LRBA: variants seen among roughly 807,000 people sequenced by gnomAD.
LRBA encodes lipopolysaccharide-responsive and beige-like anchor protein.
LRBA carries 176 observed loss-of-function variants against 330.0 expected under a neutral mutation model. That is an observed-to-expected ratio of 0.53 (90% CI 0.47 to 0.60). The LOEUF (loss-of-function observed/expected upper bound fraction) is 0.60, where lower values mean the gene tolerates loss of function less well. Ranked by LOEUF, LRBA falls within the 20% of genes least tolerant of loss-of-function variation. The probability of loss-of-function intolerance (pLI) is 0.00; values close to 1 mark genes in which losing one functional copy is unlikely to be tolerated. For synonymous variants in LRBA, 1,230 were observed against 1,193.0 expected (o/e 1.03, Z -0.64); for missense variants, 3,259 against 3,444.8 (o/e 0.95, Z 1.35).
At chr4:150,845,494 T>C (rs963900686) in intron 26 of LRBA, among the ~76,000 whole-genome samples, 7 of 152,212 alleles carry the variant, frequency 4.6e-5, no homozygotes, top group African/African-American at 1.7e-4. Flanking sequence ...TTACATTATG[T>C]ACCCTTCACT....
chr4:150,419,331 T>C (rs80180087), intron 46 of LRBA, among the ~76,000 whole-genome samples: 3,776 of 152,216 alleles, frequency 0.025, 147 homozygotes, highest in African/African-American at 0.086. Flanking sequence ...CAGAGCTGCC[T>C]GCCTTCGAAA....
intron 47 of LRBA, among the ~76,000 whole-genome samples, chr4:150,372,035 T>C (rs982858222): frequency 6.6e-6 from 1 of 152,222 alleles, no homozygotes; most frequent in African/African-American, 2.4e-5. Context: ...TAATGTACCT[T>C]TGATTTAATA....
chr4:150,583,926 G>A lies in LRBA; in HGVS notation c.6330+4122C>T, dbSNP rs750789167. 2 of 1,612,812 alleles carry A rather than the reference G, an allele frequency of 1.2e-6. No individual in the cohort carries two copies. Among genetic ancestry groups the A allele is most frequent in the Non-Finnish European group, 1.7e-6 (2 of 1,179,360 alleles). On this transcript the variant is annotated intron_variant, in intron 40 of 56. Coordinates refer to ENST00000651943, the MANE Select transcript of LRBA (RefSeq NM_001364905.1). The surrounding 1 kb of genome is among the most constrained non-coding windows in gnomAD (Gnocchi z 9.8). The stretch of plus-strand genomic sequence containing the variant: ...GGGACGAGTCGTGCCTGGGCGACCG[G>A]CTCAACGGCATCCTGCTGCAGCTCA...
At chr4:150,789,638 A>G (rs1739606901) in intron 34 of LRBA, among the ~76,000 whole-genome samples, 1 of 152,194 alleles carries the variant, frequency 6.6e-6, no homozygotes, top group Admixed American at 6.5e-5. Context: ...ATTATATACT[A>G]TTCATCAAAA....
At chr4:150,445,788 C>T (rs1752547658) in intron 44 of LRBA, among the ~76,000 whole-genome samples, 1 of 152,022 alleles carries the variant, frequency 6.6e-6, no homozygotes, top group African/African-American at 2.4e-5. Context: ...CCTCAGCCTC[C>T]TGAGCAGCTA....
chr4:150,727,008 C>T (rs376156979), intron 36 of LRBA, among the ~76,000 whole-genome samples: 2 of 147,602 alleles, frequency 1.4e-5, no homozygotes, highest in South Asian at 2.1e-4. Flanking sequence ...AAAGAAACAG[C>T]AGACTTCATC....
chr4:150,462,014 T>G (rs1754835221), intron 44 of LRBA, among the ~76,000 whole-genome samples: 1 of 151,818 alleles, frequency 6.6e-6, no homozygotes, highest in Non-Finnish European at 1.5e-5. Context: ...CATCATAATT[T>G]ACTTTTATGG....
At chr4:150,546,139 C>G (rs1050660986) in intron 40 of LRBA, among the ~76,000 whole-genome samples, 1 of 152,056 alleles carries the variant, frequency 6.6e-6, no homozygotes, top group African/African-American at 2.4e-5. Context: ...TGCGATATTA[C>G]GACTTTGAAC....
chr4:150,577,030 G>A (rs529190975), intron 40 of LRBA, among the ~76,000 whole-genome samples: 2 of 151,870 alleles, frequency 1.3e-5, no homozygotes, highest in Non-Finnish European at 2.9e-5. Flanking sequence ...AGGCACTATG[G>A]TGAACTGTTC....
chr4:150,690,144 A>G (rs1311038262), intron 36 of LRBA, among the ~76,000 whole-genome samples: 1 of 152,156 alleles, frequency 6.6e-6, no homozygotes, highest in East Asian at 1.9e-4. Flanking sequence ...TATATTCAAC[A>G]CAATCTTAAT....
chr4:150,897,082 CA>C (rs1730167976), intron 15 of LRBA, among the ~76,000 whole-genome samples: 1 of 150,298 alleles, frequency 6.7e-6, no homozygotes, highest in South Asian at 2.1e-4. Flanking sequence ...AAAGACAATT[CA>C]AAGGACACTT....
At chr4:150,948,715 GA>G (rs1368529228) in intron 2 of LRBA, among the ~76,000 whole-genome samples, 1 of 151,568 alleles carries the variant, frequency 6.6e-6, no homozygotes, top group Non-Finnish European at 1.5e-5. Context: ...TCTGACAAAA[GA>G]ATAATATCTA....
intron 44 of LRBA, among the ~76,000 whole-genome samples, chr4:150,465,239 C>G (rs181514106): frequency 4.4e-4 from 67 of 152,130 alleles, no homozygotes; most frequent in African/African-American, 1.6e-3. Context: ...AGCTTCCTTC[C>G]TTTTTAAGGC....
intron 37 of LRBA, among the ~76,000 whole-genome samples, chr4:150,676,164 G>A (rs1433672702): frequency 6.6e-6 from 1 of 151,920 alleles, no homozygotes; most frequent in African/African-American, 2.4e-5. Context: ...AATGACAACG[G>A]CTGAGAATAC....
intron 47 of LRBA, among the ~76,000 whole-genome samples, chr4:150,405,422 A>G (rs1746056085): frequency 6.6e-6 from 1 of 152,132 alleles, no homozygotes; most frequent in Non-Finnish European, 1.5e-5. Flanking sequence ...GAAAGTGTAA[A>G]CCCCAATTCT....
chr4:150,883,842 A>G (rs908383391), intron 17 of LRBA, among the ~76,000 whole-genome samples: 1 of 152,248 alleles, frequency 6.6e-6, no homozygotes, highest in Non-Finnish European at 1.5e-5. Flanking sequence ...ATTTCTTCAC[A>G]GTAATAAATA....
At position 150,817,032 on chromosome 4, in the gene LRBA, T is replaced by A. The variant is rs1013490365; in HGVS notation, c.5305+92A>T. 5 of 1,062,126 alleles carry A rather than the reference T, an allele frequency of 4.7e-6. No homozygotes were observed. The African/African-American group carries it at 4.7e-5, about 10-fold the overall frequency. The allele number at this position is 1,062,126 out of a possible 1,614,324, so 65.8% of individuals were successfully genotyped here. A position where few individuals can be genotyped will look rare whatever the true frequency, so the allele number is the denominator to read the frequency against. On this transcript the variant is annotated intron_variant, in intron 31 of 56. Transcript: ENST00000651943. ...TATAAAAGTACAATGGTTTCTAATG[T>A]GCCCCCAAATTTTAAGTTAATCAAA...
intron 37 of LRBA, among the ~76,000 whole-genome samples, chr4:150,633,886 G>A (rs1291215457): frequency 1.3e-5 from 2 of 152,128 alleles, no homozygotes; most frequent in African/African-American, 2.4e-5. Flanking sequence ...AGGCCGAGGT[G>A]GGTGGATCAC....
At chr4:150,612,518 AT>A (rs1775377126) in intron 37 of LRBA, among the ~76,000 whole-genome samples, 1 of 152,198 alleles carries the variant, frequency 6.6e-6, no homozygotes, top group South Asian at 2.1e-4. Context: ...AGTTGCTGTC[AT>A]CTCCTAGATA....
Sources: allele counts gnomAD v4.1 joint callset (sites outside exome capture counted in the v4.1 genomes callset), GRCh38; gene constraint gnomAD v4.1.1; non-coding constraint Gnocchi (gnomAD v3.1); transcripts MANE v1.5; gene names NCBI Gene and HGNC (gene_info 2026-07-23, HGNC 2026-07-21).